The following LRRIQ3 variants were observed in gnomAD, a reference collection of about 807,000 sequenced individuals.
The protein encoded by LRRIQ3 is leucine-rich repeat and IQ domain-containing protein 3.
Under a neutral mutation model 59.3 loss-of-function variants are expected in LRRIQ3, and 75 were observed. The observed-to-expected ratio is 1.26, with a 90% CI of 1.05 to 1.53. The LOEUF (loss-of-function observed/expected upper bound fraction) is 1.53, where lower values mean the gene tolerates loss of function less well. Among genes scored for constraint, LRRIQ3 ranks in the 40% most tolerant of loss-of-function variants. LRRIQ3 has a pLI of 0.00. For synonymous variants in LRRIQ3, 250 were observed against 231.3 expected (o/e 1.08, Z -0.73); for missense variants, 831 against 710.0 (o/e 1.17, Z -1.94).
intron 6 of LRRIQ3, among the ~76,000 whole-genome samples, chr1:74,059,308 G>A (rs139174029): frequency 2.7e-5 from 4 of 146,964 alleles, no homozygotes; most frequent in Admixed American, 2.0e-4. Context: ...CTAAAACATC[G>A]TTGCCCAAGT....
intron 5 of LRRIQ3, among the ~76,000 whole-genome samples, chr1:74,094,365 G>T (rs1003118887): frequency 6.6e-6 from 1 of 151,962 alleles, no homozygotes; most frequent in Non-Finnish European, 1.5e-5. Context: ...AATAATAGGG[G>T]TCTTTGTAAG....
chr1:74,072,066 A>G (rs1242995649), intron 6 of LRRIQ3, among the ~76,000 whole-genome samples: 1 of 152,120 alleles, frequency 6.6e-6, no homozygotes, highest in East Asian at 1.9e-4. Context: ...AACAAATCAT[A>G]TATTACTTTT....
intron 5 of LRRIQ3, among the ~76,000 whole-genome samples, chr1:74,088,681 T>C (rs1001649155): frequency 6.6e-6 from 1 of 151,926 alleles, no homozygotes; most frequent in African/African-American, 2.4e-5. Flanking sequence ...TGATAGATTA[T>C]AGGTCTAAAT....
chr1:74,033,781 C>G (rs889367178), intron 7 of LRRIQ3, among the ~76,000 whole-genome samples: 19 of 151,860 alleles, frequency 1.3e-4, no homozygotes, highest in Admixed American at 1.2e-3. Context: ...TATGGGAGGT[C>G]AATTGATGAC....
intron 1 of LRRIQ3, among the ~76,000 whole-genome samples, chr1:74,187,353 T>TACACAC (rs58321456): frequency 3.6e-5 from 2 of 55,300 alleles, no homozygotes; most frequent in African/African-American, 4.8e-5. Flanking sequence ...GGTATATGTT[T>TACACAC]ACACACACAC....
intron 3 of LRRIQ3, among the ~76,000 whole-genome samples, chr1:74,175,331 T>G (rs1649574129): frequency 6.6e-6 from 1 of 152,126 alleles, no homozygotes; most frequent in South Asian, 2.1e-4. Context: ...AGCTCTACCC[T>G]CCCCCTTTTT....
chr1:74,079,171 T>A (rs560376115), intron 5 of LRRIQ3, among the ~76,000 whole-genome samples: 1 of 151,800 alleles, frequency 6.6e-6, no homozygotes. Context: ...CTTTTAGCTT[T>A]AAGTCCTCCT....
chr1:74,027,028 A>C, intron 7 of LRRIQ3, 59 bp from the exon 8 acceptor site: 2 of 1,152,528 alleles, frequency 1.7e-6, no homozygotes, highest in Admixed American at 4.7e-5. Flanking sequence ...AACCATGGCA[A>C]TCTATTAGAC....
At chr1:74,062,722 A>C (rs1185714314) in intron 6 of LRRIQ3, among the ~76,000 whole-genome samples, 3 of 152,126 alleles carry the variant, frequency 2.0e-5, no homozygotes, top group African/African-American at 7.2e-5. Flanking sequence ...ATCCTCAGCA[A>C]ATTAACACAG....
At chr1:74,071,383 A>C (rs1557602106) in intron 6 of LRRIQ3, among the ~76,000 whole-genome samples, 1 of 152,124 alleles carries the variant, frequency 6.6e-6, no homozygotes, top group Non-Finnish European at 1.5e-5. Context: ...GTTCCCTGGA[A>C]AATGTCAATA....
intron 5 of LRRIQ3, among the ~76,000 whole-genome samples, chr1:74,093,785 C>A (rs1171008544): frequency 6.6e-6 from 1 of 152,036 alleles, no homozygotes; most frequent in African/African-American, 2.4e-5. Context: ...GAGACAAAAT[C>A]CATTGCCAAC....
intron 5 of LRRIQ3, among the ~76,000 whole-genome samples, chr1:74,106,255 C>T (rs1000574156): frequency 2.0e-5 from 3 of 151,958 alleles, no homozygotes; most frequent in Admixed American, 6.6e-5. Flanking sequence ...ATGGTTGAAG[C>T]AGTAAAAGTT....
chr1:74,147,693 C>G (rs1202370454), intron 4 of LRRIQ3, among the ~76,000 whole-genome samples: 2 of 152,084 alleles, frequency 1.3e-5, no homozygotes, highest in Non-Finnish European at 2.9e-5. Flanking sequence ...GACTTGAGGC[C>G]TTTCTCTTGC....
intron 5 of LRRIQ3, among the ~76,000 whole-genome samples, chr1:74,089,472 A>G (rs993050739): frequency 6.6e-6 from 1 of 152,148 alleles, no homozygotes; most frequent in African/African-American, 2.4e-5. Context: ...GCCATAAAAA[A>G]TAAATGAATT....
intron 5 of LRRIQ3, among the ~76,000 whole-genome samples, chr1:74,103,792 C>CG (rs1436781477): frequency 2.0e-5 from 3 of 151,266 alleles, no homozygotes; most frequent in Non-Finnish European, 4.4e-5. Flanking sequence ...GTCCTTCCCC[C>CG]CCCCGCCATA....
chr1:74,117,221 GAT>G (rs1359969604), intron 4 of LRRIQ3, among the ~76,000 whole-genome samples: 1 of 152,074 alleles, frequency 6.6e-6, no homozygotes, highest in Admixed American at 6.6e-5. Flanking sequence ...AGATGGAAAA[GAT>G]GTGTATATTT....
At chr1:74,138,171 A>C (rs1647159853) in intron 4 of LRRIQ3, among the ~76,000 whole-genome samples, 1 of 151,828 alleles carries the variant, frequency 6.6e-6, no homozygotes, top group African/African-American at 2.4e-5. Flanking sequence ...AACAAAAAAA[A>C]AAAACAAAAA....
intron 1 of LRRIQ3, among the ~76,000 whole-genome samples, chr1:74,185,835 C>T (rs368359266): frequency 2.0e-5 from 3 of 151,166 alleles, no homozygotes; most frequent in East Asian, 2.0e-4. Context: ...CCCAGCTACT[C>T]GGGAGGCTGA....
At chr1:74,036,422 C>T (rs1246046441) in intron 7 of LRRIQ3, among the ~76,000 whole-genome samples, 1 of 152,150 alleles carries the variant, frequency 6.6e-6, no homozygotes, top group Non-Finnish European at 1.5e-5. Flanking sequence ...ACAAAATTGT[C>T]TATTCTTCAT....
Sources: gnomAD v4.1 joint callset for allele counts (sites outside exome capture counted in the v4.1 genomes callset) on GRCh38, gnomAD v4.1.1 for gene constraint, MANE v1.5 for transcripts, NCBI Gene and HGNC (gene_info 2026-07-23, HGNC 2026-07-21) for gene names.